The following PDE10A variants were observed in gnomAD, a reference collection of about 807,000 sequenced individuals.
PDE10A encodes phosphodiesterase 10A.
A neutral mutation model predicts 97.7 loss-of-function variants in PDE10A; 39 were observed. The observed-to-expected ratio is 0.40, with a 90% CI of 0.31 to 0.52. The LOEUF (loss-of-function observed/expected upper bound fraction) is 0.52. Among genes scored for constraint, PDE10A ranks in the 20% least tolerant of loss-of-function variants. PDE10A has a pLI of 0.56. For synonymous variants in PDE10A, 371 were observed against 376.8 expected (o/e 0.98, Z 0.18); for missense variants, 731 against 1,047.8 (o/e 0.70, Z 4.17).
At chr6:165,414,619 C>G (rs1221802863) in intron 12 of PDE10A, among the ~76,000 whole-genome samples, 1 of 152,168 alleles carries the variant, frequency 6.6e-6, no homozygotes, top group Non-Finnish European at 1.5e-5. Context: ...ATAAATAATT[C>G]TGCTTTGAAG....
upstream of PDE10A, among the ~76,000 whole-genome samples, chr6:165,664,041 G>A (rs1303975526): frequency 2.6e-5 from 4 of 152,212 alleles, no homozygotes; most frequent in Non-Finnish European, 5.9e-5. Flanking sequence ...TGGGTCCGAG[G>A]AGGGGCGGTG....
At position 165,361,296 on chromosome 6, in the gene PDE10A, A is replaced by G. The variant is rs554998723; in HGVS notation, c.2784-17794T>C. Among the ~76,000 whole-genome samples, 74 of 152,318 alleles carry G rather than the reference A, an allele frequency of 4.9e-4. 2 individuals are homozygous for G. The South Asian group carries it at 0.015, about 30-fold the overall frequency. On this transcript the variant is annotated intron_variant, in intron 18 of 21. Transcript: ENST00000539869. ...TGGAACATCCCCCAGGCTAAATCAA[A>G]TGTCAGGAAATAAAACAAGCCTCAT...
intron 1 of PDE10A, among the ~76,000 whole-genome samples, chr6:165,973,767 C>T (rs577929425): frequency 2.6e-5 from 4 of 152,320 alleles, no homozygotes; most frequent in Admixed American, 2.6e-4. Flanking sequence ...AATGGCTGGA[C>T]CGCAGCAGTG....
At position 165,759,211 on chromosome 6, in the gene PDE10A, G is replaced by A. The variant is rs116450549; in HGVS notation, c.-614-215643C>T. ...ATTTTAAAAAGATGGTACACAGGATGAAGTATTTTCTGTACTCTTGGGAAG... is the reference window on the plus strand; with the variant it reads ...ATTTTAAAAAGATGGTACACAGGATAAAGTATTTTCTGTACTCTTGGGAAG... On this transcript the variant is annotated intron_variant, in intron 1 of 19. Transcript: ENST00000366882. Among the ~76,000 whole-genome samples the A allele has an allele frequency of 2.5e-3, 385 of 152,322 alleles. 4 individuals carry two copies. Among genetic ancestry groups the A allele is most frequent in the African/African-American group, 9.1e-3 (379 of 41,568 alleles).
chr6:165,439,254 T>C (rs1043448788), intron 5 of PDE10A, among the ~76,000 whole-genome samples: 1 of 152,186 alleles, frequency 6.6e-6, no homozygotes, highest in Non-Finnish European at 1.5e-5. Context: ...ATCAAATTTA[T>C]CTATAATATC....
At chr6:165,382,141 T>C (rs1169179512) in intron 17 of PDE10A, among the ~76,000 whole-genome samples, 2 of 152,154 alleles carry the variant, frequency 1.3e-5, no homozygotes, top group Admixed American at 6.5e-5. Flanking sequence ...AGGGAGGCTC[T>C]GGTTGTATGT....
chr6:165,959,392 C>T (rs886313787), intron 1 of PDE10A, among the ~76,000 whole-genome samples: 1 of 152,142 alleles, frequency 6.6e-6, no homozygotes, highest in Non-Finnish European at 1.5e-5. Context: ...TGCACTAATG[C>T]TTTTGTGAAC....
At chr6:165,752,572 C>A (rs1793030845) in intron 1 of PDE10A, among the ~76,000 whole-genome samples, 1 of 152,208 alleles carries the variant, frequency 6.6e-6, no homozygotes, top group Non-Finnish European at 1.5e-5. Flanking sequence ...CTTCTACAAT[C>A]ATTTACTTCA....
intron 2 of PDE10A, among the ~76,000 whole-genome samples, chr6:165,514,672 T>A (rs1781690501): frequency 6.6e-6 from 1 of 152,148 alleles, no homozygotes; most frequent in Admixed American, 6.6e-5. Flanking sequence ...TGATGGGGGA[T>A]GAGGTTATTG....
At chr6:165,814,455 AT>A (rs34985790) in intron 1 of PDE10A, among the ~76,000 whole-genome samples, 145,805 of 151,554 alleles carry the variant, frequency 0.96, 70,364 homozygotes, top group Non-Finnish European at 1. Context: ...TCCTAAAGGT[AT>A]TTTTTTTTTC....
chr6:165,569,421 T>C (rs1017641983), intron 1 of PDE10A, among the ~76,000 whole-genome samples: 2 of 152,248 alleles, frequency 1.3e-5, no homozygotes, highest in African/African-American at 4.8e-5. Flanking sequence ...TGTGTCAATA[T>C]TCAAAGAACA....
At chr6:165,840,581 AAC>A (rs1197012075) in intron 1 of PDE10A, among the ~76,000 whole-genome samples, 1 of 152,128 alleles carries the variant, frequency 6.6e-6, no homozygotes, top group Non-Finnish European at 1.5e-5. Context: ...AAGCTACCAA[AAC>A]TGCAGGAGAT....
At chr6:165,660,188 G>C (rs1790169308) in intron 1 of PDE10A, 1 of 152,534 alleles carries the variant, frequency 6.6e-6, no homozygotes, top group Non-Finnish European at 1.5e-5. Context: ...CGGGAGAGCT[G>C]GTGGGGCCCC....
At chr6:165,340,993 C>T (rs1212242330) in intron 19 of PDE10A, among the ~76,000 whole-genome samples, 2 of 152,216 alleles carry the variant, frequency 1.3e-5, no homozygotes, top group East Asian at 3.9e-4. Flanking sequence ...TTCAAGCAAC[C>T]TGGCACCAAA....
chr6:165,798,817 C>T (rs1448285077), intron 1 of PDE10A, among the ~76,000 whole-genome samples: 7 of 152,128 alleles, frequency 4.6e-5, no homozygotes, highest in South Asian at 4.1e-4. Flanking sequence ...AGGCGATTCT[C>T]GTGCCTCAGC....
At chr6:165,409,397 A>C (rs1359656933) in intron 13 of PDE10A, among the ~76,000 whole-genome samples, 2 of 152,096 alleles carry the variant, frequency 1.3e-5, no homozygotes, top group African/African-American at 4.8e-5. Context: ...AAATACAAAA[A>C]TTAGCCAGAC....
intron 2 of PDE10A, among the ~76,000 whole-genome samples, chr6:165,520,275 C>G (rs948333596): frequency 5.3e-5 from 8 of 152,156 alleles, no homozygotes; most frequent in African/African-American, 1.9e-4. Flanking sequence ...CAAATGTGAT[C>G]TGAAAATTGT....
At chr6:165,454,049 C>T (rs1361281870) in intron 3 of PDE10A, among the ~76,000 whole-genome samples, 4 of 152,218 alleles carry the variant, frequency 2.6e-5, no homozygotes, top group Non-Finnish European at 5.9e-5. Flanking sequence ...GAAGATTATT[C>T]TCCAGCTTTA....
intron 5 of PDE10A, among the ~76,000 whole-genome samples, chr6:165,436,826 T>A (rs1790051693): frequency 6.6e-6 from 1 of 152,178 alleles, no homozygotes; most frequent in African/African-American, 2.4e-5. Context: ...AGTAAGACTA[T>A]CATTAGATTC....
Sources: allele counts gnomAD v4.1 joint callset (sites outside exome capture counted in the v4.1 genomes callset), GRCh38; gene constraint gnomAD v4.1.1; transcripts MANE v1.5; gene names NCBI Gene and HGNC (gene_info 2026-07-23, HGNC 2026-07-21).